The following MIPEP variants were observed in gnomAD, a reference collection of about 807,000 sequenced individuals.
MIPEP encodes mitochondrial intermediate peptidase.
A neutral mutation model predicts 90.3 loss-of-function variants in MIPEP; 79 were observed. The observed-to-expected ratio is 0.87, with a 90% CI of 0.73 to 1.05. MIPEP has a LOEUF of 1.05. Ranked by LOEUF, MIPEP falls within the 50% of genes least tolerant of loss-of-function variation. The pLI is 0.00. For missense variants in MIPEP, 940 were observed against 905.6 expected (o/e 1.04, Z -0.49); for synonymous variants, 334 against 315.8 (o/e 1.06, Z -0.61).
intron 18 of MIPEP, among the ~76,000 whole-genome samples, chr13:23,746,135 C>T (rs1157121217): frequency 1.3e-5 from 2 of 150,522 alleles, no homozygotes; most frequent in Non-Finnish European, 3.0e-5. Flanking sequence ...CTGCCTCAGC[C>T]TCCCGAGTAG....
rs529971423 is a variant in MIPEP, at chr13:23,883,442, TG to T, written c.364-1656del. On this transcript the variant is annotated intron_variant, in intron 2 of 18. Coordinates refer to ENST00000382172, the MANE Select transcript of MIPEP (RefSeq NM_005932.4). ...GTCACCCCTCAGTATCAATGGACAATGGTTTGATCCTCCCACAGATACCCGA... is the reference window on the plus strand; with the variant it reads ...GTCACCCCTCAGTATCAATGGACAATGTTTGATCCTCCCACAGATACCCGA... Among the ~76,000 whole-genome samples the T allele has an allele frequency of 5.9e-5, 9 of 152,232 alleles. No individual in the cohort carries two copies. The East Asian group carries it at 1.4e-3, about 23-fold the overall frequency.
At chr13:23,884,147 C>G (rs575548744) in intron 2 of MIPEP, among the ~76,000 whole-genome samples, 5 of 150,770 alleles carry the variant, frequency 3.3e-5, no homozygotes, top group Non-Finnish European at 7.4e-5. Flanking sequence ...AGGATTCCAC[C>G]TATGTGACAT....
intron 10 of MIPEP, among the ~76,000 whole-genome samples, chr13:23,853,713 G>A (rs1307801997): frequency 2.6e-5 from 4 of 151,732 alleles, no homozygotes; most frequent in Admixed American, 1.3e-4. Context: ...GGCACTTGCC[G>A]CCATGCCCGG....
Position 23,839,722 on chromosome 13 carries a change from A to G in MIPEP, c.1265T>C (p.Val422Ala). ...CAACAATCCTTCAGATTCATGAACA[A>G]CAGCCTAGAAAAAAAAATTTAAATT... ...VWSEDVRKLAVVHESEGLLGY... is the reference protein window; with the variant it reads ...VWSEDVRKLAAVHESEGLLGY... The change falls in exon 12 of 19, where the codon GTT becomes GCT. Residue 422 changes from valine to alanine, a missense_variant. Coordinates refer to ENST00000382172, the MANE Select transcript of MIPEP (RefSeq NM_005932.4). The G allele has an allele frequency of 1.2e-6, 2 of 1,607,764 alleles. No homozygotes were observed. The highest frequency in any genetic ancestry group is 1.3e-5 in the African/African-American group (1 of 74,628).
At chr13:23,807,778 G>A (rs116119466) in intron 15 of MIPEP, among the ~76,000 whole-genome samples, 336 of 152,260 alleles carry the variant, frequency 2.2e-3, no homozygotes, top group African/African-American at 7.6e-3. Context: ...TTGCCCCAAT[G>A]TATAAATAAA....
chr13:23,866,566 A>G (rs1241716455), intron 7 of MIPEP, among the ~76,000 whole-genome samples: 2 of 152,114 alleles, frequency 1.3e-5, no homozygotes, highest in Non-Finnish European at 2.9e-5. Context: ...TCCTGTAGAC[A>G]GACCTTCTGC....
At chr13:23,843,904 G>A (rs1234832696) in intron 10 of MIPEP, among the ~76,000 whole-genome samples, 5 of 152,144 alleles carry the variant, frequency 3.3e-5, no homozygotes, top group Admixed American at 2.6e-4. Flanking sequence ...ATAAGTGGAT[G>A]GTAGAGTCAC....
intron 18 of MIPEP, among the ~76,000 whole-genome samples, chr13:23,752,771 T>C (rs767172790): frequency 3.9e-5 from 6 of 152,108 alleles, no homozygotes; most frequent in Non-Finnish European, 7.3e-5. Context: ...TAGTGGAGGA[T>C]TAAGTGACTG....
intron 16 of MIPEP, among the ~76,000 whole-genome samples, chr13:23,791,989 C>T (rs1036567532): frequency 1.3e-5 from 2 of 152,234 alleles, no homozygotes; most frequent in African/African-American, 2.4e-5. Flanking sequence ...TACAATCACT[C>T]ACTCACTCTG....
intron 18 of MIPEP, among the ~76,000 whole-genome samples, chr13:23,731,633 G>C (rs917490890): frequency 6.6e-6 from 1 of 152,072 alleles, no homozygotes; most frequent in Admixed American, 6.5e-5. Context: ...AAAAATGTTA[G>C]ATTTCATCAA....
intron 14 of MIPEP, among the ~76,000 whole-genome samples, chr13:23,824,079 A>G (rs1953339550): frequency 6.6e-6 from 1 of 152,242 alleles, no homozygotes; most frequent in Non-Finnish European, 1.5e-5. Context: ...AAGCTAGCAC[A>G]GCATTTTGGA....
rs532101953 is a variant in MIPEP at position 23,731,056 on chromosome 13, C to T, written c.2045-611G>A. ...AAGATGTAGTAGAAGCAATGAAGCA[C>T]CATGCCTAGCATATATTAAGAATTC... On this transcript the variant is annotated intron_variant, in intron 18 of 18. Coordinates refer to ENST00000382172, the MANE Select transcript of MIPEP (RefSeq NM_005932.4). Among the ~76,000 whole-genome samples the T allele has an allele frequency of 2.0e-5, 3 of 152,272 alleles. No homozygotes were observed. The South Asian group carries it at 6.2e-4, about 32-fold the overall frequency.
chr13:23,883,452 C>T (rs917472856), intron 2 of MIPEP, among the ~76,000 whole-genome samples: 3 of 152,118 alleles, frequency 2.0e-5, no homozygotes, highest in African/African-American at 7.2e-5. Context: ...TGGTTTGATC[C>T]TCCCACAGAT....
intron 9 of MIPEP, 123 bp from the exon 10 acceptor site, chr13:23,859,035 G>A: frequency 1.3e-6 from 1 of 776,948 alleles, no homozygotes; most frequent in Non-Finnish European, 2.1e-6. Flanking sequence ...CAATTTTATA[G>A]AATCCCTTAA....
chr13:23,789,555 T>C (rs990184409), intron 16 of MIPEP, among the ~76,000 whole-genome samples: 3 of 152,178 alleles, frequency 2.0e-5, no homozygotes, highest in Non-Finnish European at 4.4e-5. Context: ...TACTCCAAAG[T>C]TTGGAAAGCT....
At position 23,858,870 on chromosome 13, in the gene MIPEP, G is replaced by A. The variant is rs149545169; in HGVS notation, c.1096C>T (p.Arg366Cys). The A allele has an allele frequency of 8.9e-5, 143 of 1,613,230 alleles. No homozygotes were observed. Among genetic ancestry groups the A allele is most frequent in the Middle Eastern group, 6.6e-4 (4 of 6,082 alleles). The change falls in exon 10 of 19, where the codon CGT (arginine) becomes TGT (cysteine). Residue 366 changes from arginine (R) to cysteine (C), a missense_variant. Arg to Cys is a radical substitution (Grantham distance 180, BLOSUM62 -3). Transcript: ENST00000382172. ...WDPPYYSGVI[R>C]AERYNIEPSL... ...TCTTGAAAAACTTACCTTTCTGCAC[G>A]AATCACACCACTGTAGTAAGGGGGG...
chr13:23,886,272 T>G (rs1871475254), intron 2 of MIPEP, 61 bp downstream of exon 2: 1 of 1,288,782 alleles, frequency 7.8e-7, no homozygotes, highest in Non-Finnish European at 1.0e-6. Flanking sequence ...AGGATAAATT[T>G]CACTTAAATT....
chr13:23,837,243 T>C (rs1277362461), intron 13 of MIPEP, among the ~76,000 whole-genome samples: 1 of 152,224 alleles, frequency 6.6e-6, no homozygotes, highest in East Asian at 1.9e-4. Flanking sequence ...ATTAAGGAGA[T>C]ACGTTTTTAT....
Position 23,874,922 on chromosome 13 carries a change from T to C in MIPEP, c.540-13A>G. On this transcript the variant is annotated splice_polypyrimidine_tract_variant and intron_variant, in intron 4 of 18. Transcript: ENST00000382172. ...TTCAGCCACTCGCCTATAAATGAAA[T>C]GAGCCCCAGGTTATAACAGGTAATA... 3 of 1,589,324 alleles carry C rather than the reference T, an allele frequency of 1.9e-6. No individual in the cohort carries two copies. The highest frequency in any genetic ancestry group is 2.3e-5 in the East Asian group (1 of 44,060).
Sources: gnomAD v4.1 joint callset for allele counts (sites outside exome capture counted in the v4.1 genomes callset) on GRCh38, gnomAD v4.1.1 for gene constraint, MANE v1.5 for transcripts, NCBI Gene and HGNC (gene_info 2026-07-23, HGNC 2026-07-21) for gene names.